Variants in RBFOX1 observed in about 807,000 individuals in gnomAD.
RBFOX1 encodes RNA binding protein fox-1 homolog 1.
RBFOX1 carries 8 observed loss-of-function variants against 57.7 expected under a neutral mutation model. That is an observed-to-expected ratio of 0.14 (90% CI 0.08 to 0.25). RBFOX1 has a LOEUF of 0.25. RBFOX1 is among the 10% of genes least tolerant of loss of function. RBFOX1 has a pLI of 1.00. For missense variants in RBFOX1, 611 were observed against 548.5 expected (o/e 1.11, Z -1.14); for synonymous variants, 326 against 222.4 (o/e 1.47, Z -4.15).
At chr16:5,506,405 C>T (rs139500657) in intron 2 of RBFOX1, among the ~76,000 whole-genome samples, 21 of 152,320 alleles carry the variant, frequency 1.4e-4, no homozygotes, top group African/African-American at 5.1e-4. Flanking sequence ...AAACCCCAAT[C>T]CTTTCTTGGT....
intron 4 of RBFOX1, among the ~76,000 whole-genome samples, chr16:7,199,358 G>C (rs1473971995): frequency 6.6e-6 from 1 of 151,990 alleles, no homozygotes. Context: ...TTGAAAAATC[G>C]AATGGTAATC....
chr16:7,650,076 A>C (rs2064676842), intron 11 of RBFOX1, among the ~76,000 whole-genome samples: 1 of 151,154 alleles, frequency 6.6e-6, no homozygotes, highest in Admixed American at 6.6e-5. Context: ...AGGAAGAAAA[A>C]GGGAGGGGAG....
chr16:7,110,353 C>A (rs1347096377), intron 4 of RBFOX1, among the ~76,000 whole-genome samples: 1 of 151,626 alleles, frequency 6.6e-6, no homozygotes, highest in Non-Finnish European at 1.5e-5. Flanking sequence ...AGAGCAAGAT[C>A]CTGACTCTTA....
chr16:6,150,966 C>T (rs913465427), intron 1 of RBFOX1, among the ~76,000 whole-genome samples: 4 of 152,242 alleles, frequency 2.6e-5, no homozygotes, highest in Non-Finnish European at 5.9e-5. Flanking sequence ...TATTTTTTCT[C>T]CCAGCTTAGA....
At chr16:7,426,454 C>G (rs2098613692) in intron 4 of RBFOX1, among the ~76,000 whole-genome samples, 1 of 152,160 alleles carries the variant, frequency 6.6e-6, no homozygotes, top group African/African-American at 2.4e-5. Flanking sequence ...CAGCTCTTAG[C>G]TAATGATAGT....
intron 12 of RBFOX1, among the ~76,000 whole-genome samples, chr16:7,663,397 A>G (rs1169653607): frequency 1.3e-5 from 2 of 152,150 alleles, no homozygotes; most frequent in African/African-American, 4.8e-5. Flanking sequence ...ATTTTTAAGG[A>G]CAATGGTACT....
chr16:5,763,622 C>T (rs1343105944), intron 3 of RBFOX1, among the ~76,000 whole-genome samples: 6 of 152,248 alleles, frequency 3.9e-5, no homozygotes, highest in Non-Finnish European at 7.3e-5. Context: ...CGCCGGCCTC[C>T]TGAAGTCAGC....
chr16:7,317,102 C>T (rs1192068144), intron 4 of RBFOX1, among the ~76,000 whole-genome samples: 1 of 151,980 alleles, frequency 6.6e-6, no homozygotes, highest in East Asian at 1.9e-4. Context: ...AGATAGAAAG[C>T]TGAGGACGGG....
At chr16:6,634,430 G>A (rs1242193099) in intron 2 of RBFOX1, among the ~76,000 whole-genome samples, 1 of 151,516 alleles carries the variant, frequency 6.6e-6, no homozygotes, top group Admixed American at 6.6e-5. Context: ...AATCACTGTG[G>A]CTGCCTCCCG....
chr16:7,456,640 C>T (rs901078119), intron 4 of RBFOX1, among the ~76,000 whole-genome samples: 7 of 152,178 alleles, frequency 4.6e-5, no homozygotes, highest in East Asian at 1.9e-4. Context: ...CCTTCACGTG[C>T]ATTTTGCCTC....
chr16:5,912,942 C>G (rs1048542319), intron 4 of RBFOX1, among the ~76,000 whole-genome samples: 1 of 152,122 alleles, frequency 6.6e-6, no homozygotes, highest in Non-Finnish European at 1.5e-5. Context: ...GACAGCTGAC[C>G]TGGTGGGGTG....
At chr16:6,418,505 T>C (rs2093685458) in intron 2 of RBFOX1, among the ~76,000 whole-genome samples, 1 of 151,138 alleles carries the variant, frequency 6.6e-6, no homozygotes, top group Non-Finnish European at 1.5e-5. Flanking sequence ...GACAGATGTC[T>C]TTCTGCAAGC....
intron 4 of RBFOX1, among the ~76,000 whole-genome samples, chr16:7,174,917 A>G (rs115706905): frequency 0.011 from 1,622 of 152,258 alleles, 30 homozygotes; most frequent in African/African-American, 0.036. Context: ...TTACTTATCT[A>G]TCTTTCAAAT....
intron 3 of RBFOX1, among the ~76,000 whole-genome samples, chr16:6,825,905 C>G (rs74009307): frequency 6.6e-6 from 1 of 152,176 alleles, no homozygotes; most frequent in Non-Finnish European, 1.5e-5. Context: ...CTTTAGGAAT[C>G]GTGTGACTTT....
intron 3 of RBFOX1, among the ~76,000 whole-genome samples, chr16:6,683,731 A>G (rs953343662): frequency 6.6e-6 from 1 of 152,160 alleles, no homozygotes; most frequent in Non-Finnish European, 1.5e-5. Flanking sequence ...AGATGGTGAG[A>G]CGCAGTTCAG....
intron 1 of RBFOX1, among the ~76,000 whole-genome samples, chr16:6,040,537 T>C (rs1195762800): frequency 6.6e-6 from 1 of 151,838 alleles, no homozygotes; most frequent in Admixed American, 6.6e-5. Flanking sequence ...AGTGTGAGGG[T>C]GTGAATTAAT....
intron 1 of RBFOX1, among the ~76,000 whole-genome samples, chr16:6,316,750 G>T (rs1382176906): frequency 1.3e-5 from 2 of 152,100 alleles, no homozygotes; most frequent in Non-Finnish European, 2.9e-5. Flanking sequence ...CTGGGCCTCA[G>T]TTTCCTCTTC....
intron 2 of RBFOX1, among the ~76,000 whole-genome samples, chr16:5,520,328 G>A (rs541208815): frequency 6.6e-6 from 1 of 152,314 alleles, no homozygotes; most frequent in East Asian, 1.9e-4. Flanking sequence ...ATGGCTTGAA[G>A]TCCAGCAATA....
intron 4 of RBFOX1, among the ~76,000 whole-genome samples, chr16:7,090,366 G>C (rs556718049): frequency 6.6e-6 from 1 of 152,104 alleles, no homozygotes; most frequent in Non-Finnish European, 1.5e-5. Flanking sequence ...CTTTTTGCTG[G>C]GGGGAGGTGT....
Sources: gnomAD v4.1 joint callset for allele counts (sites outside exome capture counted in the v4.1 genomes callset) on GRCh38, gnomAD v4.1.1 for gene constraint, MANE v1.5 for transcripts, NCBI Gene and HGNC (gene_info 2026-07-23, HGNC 2026-07-21) for gene names.